ARHGAP42: variants seen among roughly 807,000 people sequenced by gnomAD.
The protein encoded by ARHGAP42 is Rho GTPase activating protein 42.
A neutral mutation model predicts 125.0 loss-of-function variants in ARHGAP42; 63 were observed. The ratio of observed to expected loss-of-function variants is 0.50; its 90% confidence interval spans 0.41 to 0.62. ARHGAP42 has a LOEUF of 0.62. Ranked by LOEUF, ARHGAP42 falls within the 20% of genes least tolerant of loss-of-function variation. The pLI is 0.00. For synonymous variants in ARHGAP42, 339 were observed against 351.0 expected (o/e 0.97, Z 0.38); for missense variants, 766 against 1,024.2 (o/e 0.75, Z 3.44).
intron 12 of ARHGAP42, among the ~76,000 whole-genome samples, chr11:100,958,773 A>G (rs1324626726): frequency 6.6e-6 from 1 of 152,038 alleles, no homozygotes; most frequent in Non-Finnish European, 1.5e-5. Flanking sequence ...AACAACACAT[A>G]ATAAATACCT....
chr11:100,733,881 T>A (rs1465176086), intron 1 of ARHGAP42, among the ~76,000 whole-genome samples: 1 of 148,108 alleles, frequency 6.8e-6, no homozygotes, highest in Non-Finnish European at 1.5e-5. Flanking sequence ...TAGATACAGT[T>A]GCTTCTAGAA....
rs79946600 is a variant in ARHGAP42 at position 100,740,083 on chromosome 11, T to A, written c.155-30260T>A. Among the ~76,000 whole-genome samples, 68 of 150,374 alleles carry A rather than the reference T, an allele frequency of 4.5e-4. 2 individuals carry two copies. Among genetic ancestry groups the A allele is most frequent in the African/African-American group, 1.1e-3 (44 of 40,872 alleles). The stretch of plus-strand genomic sequence containing the variant: ...TTAGTACAATTTTTTTTTTTTTTTT[T>A]AATTTTCAACTCACTAAAGCTTGCC... On this transcript the variant is annotated intron_variant, in intron 1 of 23. Coordinates refer to ENST00000298815, the MANE Select transcript of ARHGAP42 (RefSeq NM_152432.4).
chr11:100,922,452 A>T, intron 6 of ARHGAP42, among the ~76,000 whole-genome samples: 1 of 152,138 alleles, frequency 6.6e-6, no homozygotes. Flanking sequence ...GACATGTATG[A>T]TGAATAAAGG....
At position 100,965,767 on chromosome 11, in the gene ARHGAP42, A is replaced by G; in HGVS notation, c.1541A>G (p.His514Arg). 6.4e-7 allele frequency: 1 copy of G among 1,550,678 alleles called. No homozygotes were observed. Among genetic ancestry groups the G allele is most frequent in the Non-Finnish European group, 8.7e-7 (1 of 1,146,220 alleles). ...NREMLDILIK[H>R]LVKVSLHSQQ... ...GAGATGCTGGACATCTTAATAAAGCATCTGGTCAAGTAATTCTCTAACTTA... is the reference window on the plus strand; with the variant it reads ...GAGATGCTGGACATCTTAATAAAGCGTCTGGTCAAGTAATTCTCTAACTTA... The change falls in exon 17 of 24, where the codon CAT (histidine) becomes CGT (arginine). Residue 514 changes from histidine to arginine, a missense_variant. His to Arg is a conservative substitution (Grantham distance 29, BLOSUM62 0). This residue lies in a region of ARHGAP42 where 455 missense variants were observed against 636.5 expected (regional missense o/e 0.71). Transcript: ENST00000298815.
rs367603357 is a variant in ARHGAP42 at position 100,840,358 on chromosome 11, C to G, written c.313-19196C>G. 1.8e-4 allele frequency among the ~76,000 whole-genome samples: 28 copies of G among 152,158 alleles called. No homozygotes were observed. The South Asian group carries it at 4.6e-3, about 25-fold the overall frequency. ...TTAAGTTTGGAAATGTTCCTCTGTC[C>G]CTTCAGCATTTCCTCTCAGAGGTGA... is the stretch of plus-strand genomic sequence containing the variant. On this transcript the variant is annotated intron_variant, in intron 3 of 23. Transcript: ENST00000298815.
At chr11:100,943,901 A>G (rs1378362846) in intron 10 of ARHGAP42, 33 bp downstream of exon 10, 6 of 1,371,152 alleles carry the variant, frequency 4.4e-6, no homozygotes, top group Non-Finnish European at 5.0e-6. Flanking sequence ...TATTTTTTTC[A>G]TAAGCTAAAC....
chr11:100,836,821 C>CATTGA (rs1307740462), intron 3 of ARHGAP42, among the ~76,000 whole-genome samples: 1 of 138,124 alleles, frequency 7.2e-6, no homozygotes, highest in African/African-American at 2.7e-5. Context: ...GGGACTTGAA[C>CATTGA]ACCTCATTAT....
At chr11:100,821,707 TTTAG>T (rs1308728098) in intron 3 of ARHGAP42, among the ~76,000 whole-genome samples, 5 of 152,118 alleles carry the variant, frequency 3.3e-5, no homozygotes, top group African/African-American at 1.2e-4. Flanking sequence ...TTTAACTTGA[TTTAG>T]TTATTCTCTT....
At position 100,752,545 on chromosome 11, in the gene ARHGAP42, G is replaced by A. The variant is rs559916898; in HGVS notation, c.155-17798G>A. Among the ~76,000 whole-genome samples, 4 of 152,292 alleles carry A rather than the reference G, an allele frequency of 2.6e-5. No homozygotes were observed. In the East Asian group the frequency reaches 7.7e-4, roughly 29 times the overall value. On this transcript the variant is annotated intron_variant, in intron 1 of 23. Coordinates refer to ENST00000298815, the MANE Select transcript of ARHGAP42 (RefSeq NM_152432.4). Reference sequence around the variant, plus strand: ...TGAGAGCCAGACTACTGTGACTACTGTTGTTCCTCTTGGTCTAGCCACCCA... The same window carrying A: ...TGAGAGCCAGACTACTGTGACTACTATTGTTCCTCTTGGTCTAGCCACCCA...
At chr11:100,917,124 TAATA>T (rs1373145254) in intron 5 of ARHGAP42, among the ~76,000 whole-genome samples, 1 of 151,882 alleles carries the variant, frequency 6.6e-6, no homozygotes, top group Non-Finnish European at 1.5e-5. Context: ...TAGTAACAAA[TAATA>T]AATAAGCTTA....
At chr11:100,875,646 G>A (rs996814424) in intron 4 of ARHGAP42, among the ~76,000 whole-genome samples, 8 of 152,148 alleles carry the variant, frequency 5.3e-5, no homozygotes, top group African/African-American at 1.9e-4. Context: ...TTGGTGGCCA[G>A]GCCCAGATAC....
rs79225098 is a variant in ARHGAP42 at position 100,991,922 on chromosome 11, A to T, written c.*3121A>T. The T allele has an allele frequency of 0.011, 1,853 of 164,226 alleles. 17 individuals carry two copies. Among genetic ancestry groups the T allele is most frequent in the South Asian group, 0.032 (159 of 4,982 alleles). 10.2% of individuals were successfully genotyped at this position (164,226 alleles called of 1,614,324 possible). The stretch of plus-strand genomic sequence containing the variant: ...AGGTTTCCAAGTAGGAAAAATAAAG[A>T]TACATATGACTTTTATTATTATTCG... On this transcript the variant is annotated 3_prime_UTR_variant, in exon 24 of 24. Transcript: ENST00000298815.
intron 4 of ARHGAP42, among the ~76,000 whole-genome samples, chr11:100,889,156 G>A (rs1439414199): frequency 6.6e-6 from 1 of 152,136 alleles, no homozygotes; most frequent in Non-Finnish European, 1.5e-5. Context: ...AAGTGATTGT[G>A]CTGGACAAGA....
At chr11:100,884,714 C>T (rs1296076945) in intron 4 of ARHGAP42, among the ~76,000 whole-genome samples, 1 of 152,104 alleles carries the variant, frequency 6.6e-6, no homozygotes, top group African/African-American at 2.4e-5. Context: ...GCTGTCTACT[C>T]CCTTGTCAAT....
chr11:100,687,602 C>A lies in ARHGAP42; in HGVS notation c.-77C>A, dbSNP rs1861106256. 2 of 1,153,930 alleles carry A rather than the reference C, an allele frequency of 1.7e-6. No homozygotes were observed. The highest frequency in any genetic ancestry group is 7.7e-5 in the East Asian group (2 of 26,092). The allele number at this position is 1,153,930 out of a possible 1,614,324, so 71.5% of individuals were successfully genotyped here. A position where few individuals can be genotyped will look rare whatever the true frequency, so the allele number is the denominator to read the frequency against. ...CCCGCGATCGCGCGACCCCAGCGCC[C>A]GCCGCGGCCGCCGGCTGCCCCCGCC... On this transcript the variant is annotated 5_prime_UTR_variant, in exon 1 of 24. Coordinates refer to ENST00000298815, the MANE Select transcript of ARHGAP42 (RefSeq NM_152432.4).
At chr11:100,863,059 AAC>A (rs3063447) in intron 4 of ARHGAP42, among the ~76,000 whole-genome samples, 8 of 137,472 alleles carry the variant, frequency 5.8e-5, no homozygotes, top group African/African-American at 2.2e-4. Context: ...AAAAACACAA[AAC>A]ACACACACAC....
chr11:100,941,793 GTT>G lies in ARHGAP42; in HGVS notation c.845_846del (p.Phe282TyrfsTer4). 2 of 1,516,360 alleles carry G rather than the reference GTT, an allele frequency of 1.3e-6. No individual in the cohort carries two copies. The highest frequency in any genetic ancestry group is 1.8e-6 in the Non-Finnish European group (2 of 1,135,212). 93.9% of individuals were successfully genotyped at this position (1,516,360 alleles called of 1,614,324 possible). On this transcript the variant is annotated frameshift_variant, in exon 9 of 24. Transcript: ENST00000298815. LOFTEE classifies it high-confidence loss of function. ...TGTTTCCTTACATTAGGACCGCTTG[GTT>G]TTACATGGATTAAACATTATTGTAC... is the stretch of plus-strand genomic sequence containing the variant.
At position 100,965,731 on chromosome 11, in the gene ARHGAP42, A is replaced by T. The variant is rs1441494601; in HGVS notation, c.1505A>T (p.Glu502Val). Reference protein sequence around the residue: ...AVHALVHKLPEKNREMLDILI... With the variant: ...AVHALVHKLPVKNREMLDILI... The stretch of plus-strand genomic sequence containing the variant: ...CATGCATTGGTGCACAAATTGCCGG[A>T]GAAAAACAGAGAGATGCTGGACATC... The change falls in exon 17 of 24, where the codon GAG (glutamate) becomes GTG (valine). Residue 502 changes from glutamate to valine, a missense_variant. Transcript: ENST00000298815. The T allele has an allele frequency of 2.6e-6, 4 of 1,551,242 alleles. No individual in the cohort carries two copies. Among genetic ancestry groups the T allele is most frequent in the Non-Finnish European group, 2.6e-6 (3 of 1,146,886 alleles).
intron 4 of ARHGAP42, among the ~76,000 whole-genome samples, chr11:100,878,565 T>A (rs886283807): frequency 1.3e-5 from 2 of 152,178 alleles, no homozygotes; most frequent in Non-Finnish European, 2.9e-5. Context: ...GGAAAGTGGT[T>A]TCCTAAAGTA....
Sources: gnomAD v4.1 joint callset for allele counts (sites outside exome capture counted in the v4.1 genomes callset) on GRCh38, gnomAD v4.1.1 for gene constraint, gnomAD v4.1.1 regional missense constraint, MANE v1.5 for transcripts, NCBI Gene and HGNC (gene_info 2026-07-23, HGNC 2026-07-21) for gene names.